Variants in AGBL4 observed in about 807,000 individuals in gnomAD.
The protein encoded by AGBL4 is cytosolic carboxypeptidase 6.
In AGBL4, 58 loss-of-function variants were observed where a neutral mutation model predicts 66.4. The ratio of observed to expected loss-of-function variants is 0.87; its 90% CI spans 0.71 to 1.09. The LOEUF is 1.09. Ranked by LOEUF, AGBL4 falls within the 50% of genes least tolerant of loss-of-function variation. AGBL4 has a pLI of 0.00. For missense variants in AGBL4, 579 were observed against 631.0 expected, an observed-to-expected ratio of 0.92 and a Z score of 0.88; for synonymous variants, 234 against 222.9, an observed-to-expected ratio of 1.05 and a Z score of -0.44.
At chr1:49,284,210 C>T (rs1644350823) in intron 3 of AGBL4, among the ~76,000 whole-genome samples, 1 of 152,078 alleles carries the variant, frequency 6.6e-6, no homozygotes, top group Admixed American at 6.5e-5. Flanking sequence ...AGAGTGGGGG[C>T]CAATATTCAA....
chr1:49,371,952 C>A (rs533550342), intron 3 of AGBL4, among the ~76,000 whole-genome samples: 1 of 151,690 alleles, frequency 6.6e-6, no homozygotes, highest in South Asian at 2.1e-4. Flanking sequence ...TTACATATTT[C>A]TTTCTACTGG....
intron 3 of AGBL4, among the ~76,000 whole-genome samples, chr1:49,568,392 A>G (rs1420213885): frequency 3.5e-5 from 4 of 112,930 alleles, no homozygotes; most frequent in East Asian, 1.9e-4. Flanking sequence ...CACAATTTAC[A>G]CAAAAAGAAT....
Position 49,762,747 on chromosome 1 carries a change from T to C in AGBL4, c.158-65310A>G, listed in dbSNP as rs369989111. On this transcript the variant is annotated intron_variant, in intron 2 of 13. Transcript: ENST00000371839. The stretch of plus-strand genomic sequence containing the variant: ...ATTTTCTTATCCAGTTATTTGTTTT[T>C]CATTGTTGAGTTGTTTAAATTCTTT... 1.4e-4 allele frequency among the ~76,000 whole-genome samples: 21 copies of C among 152,316 alleles called. No individual in the cohort carries two copies. In the East Asian group the frequency reaches 2.9e-3, roughly 21 times the overall value.
chr1:48,845,847 A>G (rs930071872), intron 6 of AGBL4, among the ~76,000 whole-genome samples: 20 of 152,348 alleles, frequency 1.3e-4, no homozygotes, highest in African/African-American at 4.8e-4. Context: ...AATGATAACA[A>G]TTATGGTATT....
At chr1:49,873,774 T>G (rs1425472668) in intron 1 of AGBL4, among the ~76,000 whole-genome samples, 2 of 152,256 alleles carry the variant, frequency 1.3e-5, no homozygotes, top group South Asian at 4.1e-4. Flanking sequence ...TGTGATTCCA[T>G]GCTTATTTCT....
intron 2 of AGBL4, among the ~76,000 whole-genome samples, chr1:49,831,875 G>A (rs1184885105): frequency 6.6e-6 from 1 of 152,004 alleles, no homozygotes; most frequent in Non-Finnish European, 1.5e-5. Context: ...AATTGTGGCT[G>A]TTGTCATTGG....
intron 5 of AGBL4, among the ~76,000 whole-genome samples, chr1:48,993,182 G>T (rs1210110390): frequency 1.3e-5 from 2 of 152,116 alleles, no homozygotes; most frequent in African/African-American, 4.8e-5. Context: ...AGGGCCACGG[G>T]CTCTTTAGTC....
intron 4 of AGBL4, among the ~76,000 whole-genome samples, chr1:49,133,151 C>T (rs527750714): frequency 6.6e-6 from 1 of 152,240 alleles, no homozygotes; most frequent in East Asian, 1.9e-4. Flanking sequence ...GAAAACCAAA[C>T]ACTGCATGTT....
intron 2 of AGBL4, among the ~76,000 whole-genome samples, chr1:49,738,953 G>A (rs1650154300): frequency 6.6e-6 from 1 of 152,176 alleles, no homozygotes; most frequent in African/African-American, 2.4e-5. Context: ...CAAAGATGGG[G>A]AAAAAACAGA....
chr1:49,179,355 AT>A lies in AGBL4; in HGVS notation c.377+66414del, dbSNP rs1282995875. ...AGTAATGAATTATATATAGGGGGTT[AT>A]AAAAGAAAAAAATGGGTTAGAAATA... is the stretch of plus-strand genomic sequence containing the variant. On this transcript the variant is annotated intron_variant, in intron 4 of 13. Transcript: ENST00000371839. Among the ~76,000 whole-genome samples, 5 of 152,168 alleles carry A rather than the reference AT, an allele frequency of 3.3e-5. No individual in the cohort carries two copies. The South Asian group carries it at 6.2e-4, about 19-fold the overall frequency.
At chr1:48,714,495 C>T (rs1647017131) in intron 6 of AGBL4, among the ~76,000 whole-genome samples, 1 of 152,182 alleles carries the variant, frequency 6.6e-6, no homozygotes. Context: ...GTCCCATCCA[C>T]CCCTTCAATC....
intron 9 of AGBL4, among the ~76,000 whole-genome samples, chr1:48,611,650 C>G (rs1219018992): frequency 6.6e-6 from 1 of 152,106 alleles, no homozygotes; most frequent in Non-Finnish European, 1.5e-5. Flanking sequence ...TGGCCATTAT[C>G]CTCATTTTAA....
intron 1 of AGBL4, among the ~76,000 whole-genome samples, chr1:49,860,349 A>G (rs534610188): frequency 6.6e-6 from 1 of 152,370 alleles, no homozygotes; most frequent in South Asian, 2.1e-4. Context: ...ATTTTCAATA[A>G]AAGTGCAAAG....
chr1:49,390,821 A>G (rs1486835507), intron 3 of AGBL4, among the ~76,000 whole-genome samples: 1 of 152,168 alleles, frequency 6.6e-6, no homozygotes, highest in African/African-American at 2.4e-5. Context: ...CTGACCATTC[A>G]TTTATTCTGC....
intron 1 of AGBL4, among the ~76,000 whole-genome samples, chr1:49,884,945 A>G (rs1647859001): frequency 6.6e-6 from 1 of 151,918 alleles, no homozygotes; most frequent in Non-Finnish European, 1.5e-5. Flanking sequence ...AACATCTAGA[A>G]ATAGACTTTA....
At chr1:49,089,417 C>A (rs1571418445) in intron 4 of AGBL4, among the ~76,000 whole-genome samples, 1 of 151,904 alleles carries the variant, frequency 6.6e-6, no homozygotes. Flanking sequence ...ACAAAGGAAA[C>A]ATTACCACTG....
chr1:49,345,497 G>C (rs1179481724), intron 3 of AGBL4, among the ~76,000 whole-genome samples: 1 of 151,876 alleles, frequency 6.6e-6, no homozygotes, highest in Non-Finnish European at 1.5e-5. Flanking sequence ...CATTAAAATA[G>C]AGAGGAAAAA....
chr1:49,172,603 A>G (rs1191451838), intron 4 of AGBL4, among the ~76,000 whole-genome samples: 2 of 152,176 alleles, frequency 1.3e-5, no homozygotes, highest in Admixed American at 6.6e-5. Flanking sequence ...GCCAAACAAC[A>G]TATGTAGAAG....
At chr1:49,339,585 C>T (rs1418877366) in intron 3 of AGBL4, among the ~76,000 whole-genome samples, 4 of 152,164 alleles carry the variant, frequency 2.6e-5, no homozygotes, top group South Asian at 2.1e-4. Context: ...ACATGAAACA[C>T]GTGAGACAGA....
Sources: allele counts gnomAD v4.1 joint callset (sites outside exome capture counted in the v4.1 genomes callset), GRCh38; gene constraint gnomAD v4.1.1; transcripts MANE v1.5; gene names NCBI Gene and HGNC (gene_info 2026-07-23, HGNC 2026-07-21).